The following PHC1 variants were observed in gnomAD, a reference collection of about 807,000 sequenced individuals.
PHC1 encodes polyhomeotic homolog 1.
In PHC1, 12 loss-of-function variants were observed where a neutral mutation model predicts 104.3. That is an observed-to-expected ratio of 0.12 (90% CI 0.07 to 0.19). The LOEUF (loss-of-function observed/expected upper bound fraction) is 0.19. Ranked by LOEUF, PHC1 falls within the 10% of genes least tolerant of loss-of-function variation. PHC1 has a pLI of 1.00. For synonymous variants in PHC1, 302 were observed against 455.8 expected, an observed-to-expected ratio of 0.66 and a Z score of 4.30; for missense variants, 671 against 1,200.0, an observed-to-expected ratio of 0.56 and a Z score of 6.51.
chr12:8,937,042 C>G, intron 12 of PHC1, 78 bp downstream of exon 12: 1 of 1,388,260 alleles, frequency 7.2e-7, no homozygotes, highest in Non-Finnish European at 1.0e-6. Flanking sequence ...AGGATCGTCT[C>G]ATAGCTGATA....
rs1945952666 is a variant in PHC1 at position 8,939,712 on chromosome 12, T to A, written c.*253T>A. The A allele has an allele frequency of 6.7e-6, 3 of 445,204 alleles. No homozygotes were observed. Among genetic ancestry groups the A allele is most frequent in the Non-Finnish European group, 1.3e-5 (3 of 235,644 alleles). 27.6% of individuals were successfully genotyped at this position (445,204 alleles called of 1,614,324 possible). A position where few individuals can be genotyped will look rare whatever the true frequency, so the allele number is the denominator to read the frequency against. The stretch of plus-strand genomic sequence containing the variant: ...GTTCTCACCATTTCACGTACCTTAA[T>A]CCAATCTTTATAAAAGAGGCAGTCT... On this transcript the variant is annotated 3_prime_UTR_variant, in exon 15 of 15. Coordinates refer to ENST00000544916, the MANE Select transcript of PHC1 (RefSeq NM_004426.3).
intron 7 of PHC1, among the ~76,000 whole-genome samples, chr12:8,932,313 G>T (rs146054705): frequency 1.3e-5 from 2 of 152,224 alleles, no homozygotes; most frequent in East Asian, 3.9e-4. Context: ...AATTACTCAG[G>T]ATCTGAAATG....
At chr12:8,916,177 G>A (rs1945194790) in intron 1 of PHC1, 1 of 154,252 alleles carries the variant, frequency 6.5e-6, no homozygotes, top group African/African-American at 2.4e-5. Context: ...TAATATACAT[G>A]TTTGCAGTGA....
intron 8 of PHC1, 115 bp downstream of exon 8, chr12:8,933,465 G>A: frequency 8.2e-7 from 1 of 1,220,068 alleles, no homozygotes; most frequent in Middle Eastern, 2.0e-4. Context: ...GTTAATATTG[G>A]TATTTATCTG....
chr12:8,914,446 C>T (rs1387242781), upstream of PHC1: 5 of 17,296 alleles, frequency 2.9e-4, no homozygotes, highest in East Asian at 3.3e-3. Flanking sequence ...CGAGGGGAGG[C>T]GGAGGGACGG....
chr12:8,922,059 C>T (rs1390298192), intron 5 of PHC1, among the ~76,000 whole-genome samples: 2 of 152,180 alleles, frequency 1.3e-5, no homozygotes, highest in African/African-American at 4.8e-5. Context: ...GGTGATCCAC[C>T]CGCCTCGGCC....
rs187245976 is a variant in PHC1, at chr12:8,919,715, G to A, written c.115-41G>A. On this transcript the variant is annotated intron_variant, in intron 2 of 14. Transcript: ENST00000544916. The surrounding 1 kb of genome is among the most constrained non-coding windows in gnomAD (Gnocchi z 4.9). ...AGTGATTTACATAGAATAGGAGCTA[G>A]GAGTGGTCCATTCTAAATGTTTTAT... is the stretch of plus-strand genomic sequence containing the variant. The A allele has an allele frequency of 9.5e-5, 148 of 1,564,934 alleles. No homozygotes were observed. Among genetic ancestry groups the A allele is most frequent in the Middle Eastern group, 2.2e-4 (1 of 4,554 alleles).
At chr12:8,926,819 G>A (rs1945524782) in intron 6 of PHC1, among the ~76,000 whole-genome samples, 2 of 152,142 alleles carry the variant, frequency 1.3e-5, no homozygotes, top group Admixed American at 6.5e-5. Flanking sequence ...GGAGGCTGAG[G>A]CAGGAGAATC....
rs1306095003 is a variant in PHC1 at position 8,914,623 on chromosome 12, A to G, written c.-253A>G. ...GAGCCGCGGCCGGGCCCGCACCCGG[A>G]GCGGCGGGAGGGGCGGGGAGCCGCG... On this transcript the variant is annotated 5_prime_UTR_variant, in exon 1 of 15. Transcript: ENST00000544916. 6.7e-6 allele frequency: 1 copy of G among 149,936 alleles called. No homozygotes were observed. Among genetic ancestry groups the G allele is most frequent in the Non-Finnish European group, 1.5e-5 (1 of 67,262 alleles). The allele number at this position is 149,936 out of a possible 1,614,324, so 9.3% of individuals were successfully genotyped here.
chr12:8,913,857 G>A (rs975764824), upstream of PHC1: 2 of 152,110 alleles, frequency 1.3e-5, no homozygotes, highest in Non-Finnish European at 2.9e-5. Context: ...GCTATCCAAA[G>A]GAAGTTACAT....
intron 3 of PHC1, 193 bp downstream of exon 3, chr12:8,920,059 T>C: frequency 1.2e-6 from 1 of 833,402 alleles, no homozygotes; most frequent in East Asian, 2.7e-5. Context: ...AAATCACTTT[T>C]TAGGTATAGA....
Position 8,941,428 on chromosome 12 carries a change from G to C in PHC1, c.*1969G>C, listed in dbSNP as rs1469787912. On this transcript the variant is annotated 3_prime_UTR_variant, in exon 15 of 15. Transcript: ENST00000544916. ...AACCCTGTATAAATAATGTTTCTTGGCATTTTTTTTTTAATTAAAGAAATC... is the reference window on the plus strand; with the variant it reads ...AACCCTGTATAAATAATGTTTCTTGCCATTTTTTTTTTAATTAAAGAAATC... 3 of 186,112 alleles carry C rather than the reference G, an allele frequency of 1.6e-5. No individual in the cohort carries two copies. The highest frequency in any genetic ancestry group is 7.1e-5 in the African/African-American group (3 of 42,044). The allele number at this position is 186,112 out of a possible 1,614,324, so 11.5% of individuals were successfully genotyped here. A position where few individuals can be genotyped will look rare whatever the true frequency, so the allele number is the denominator to read the frequency against.
rs148564340 is a variant in PHC1, at chr12:8,936,714, G to A, written c.2369-142G>A. On this transcript the variant is annotated intron_variant, in intron 11 of 14. Coordinates refer to ENST00000544916, the MANE Select transcript of PHC1 (RefSeq NM_004426.3). ...CGTGATTTTAGGTTTTGAACTTTGCGTTTTAGGGATTCTCAACTAGGTTGT... is the reference window on the plus strand; with the variant it reads ...CGTGATTTTAGGTTTTGAACTTTGCATTTTAGGGATTCTCAACTAGGTTGT... The A allele has an allele frequency of 3.6e-4, 230 of 630,970 alleles. 2 individuals are homozygous for A. In the East Asian group the frequency reaches 5.5e-3, roughly 15 times the overall value. 39.1% of individuals were successfully genotyped at this position (630,970 alleles called of 1,614,324 possible).
intron 3 of PHC1, among the ~76,000 whole-genome samples, chr12:8,920,387 A>G (rs1360363084): frequency 6.6e-6 from 1 of 152,204 alleles, no homozygotes; most frequent in African/African-American, 2.4e-5. Flanking sequence ...CTAGACTTTT[A>G]CTGACTCATG....
At chr12:8,935,307 A>G (rs1239348698) in intron 11 of PHC1, 69 bp downstream of exon 11, 3 of 774,628 alleles carry the variant, frequency 3.9e-6, no homozygotes, top group African/African-American at 1.8e-5. Context: ...GACTCGGTGT[A>G]AAATAGTAGT....
At chr12:8,929,516 A>T (rs11048079) in intron 6 of PHC1, among the ~76,000 whole-genome samples, 5,167 of 151,522 alleles carry the variant, frequency 0.034, 298 homozygotes, top group African/African-American at 0.12. Context: ...TTTTAATAAT[A>T]TTTTAAAATA....
intron 14 of PHC1, among the ~76,000 whole-genome samples, chr12:8,938,662 C>T (rs888220210): frequency 2.0e-5 from 3 of 152,166 alleles, no homozygotes; most frequent in Non-Finnish European, 4.4e-5. Context: ...ATTCTGGGCC[C>T]TTAAACAAAA....
At chr12:8,930,183 G>T (rs1348038743) in intron 6 of PHC1, among the ~76,000 whole-genome samples, 3 of 152,222 alleles carry the variant, frequency 2.0e-5, no homozygotes, top group Admixed American at 6.5e-5. Context: ...TAATTGAAGA[G>T]ATATTTTGAA....
In PHC1 at chr12:8,921,085, C is replaced by T; in HGVS notation, c.306+20C>T. The T allele has an allele frequency of 6.4e-7, 1 of 1,558,222 alleles. No individual in the cohort carries two copies. Among genetic ancestry groups the T allele is most frequent in the Non-Finnish European group, 8.8e-7 (1 of 1,139,468 alleles). On this transcript the variant is annotated intron_variant, in intron 4 of 14. Transcript: ENST00000544916. ...GCCTCGGTGAGTACGCCCTCTCCCA[C>T]TGAGAGGCTTCTCTACCTGGGTCTT...
Sources: gnomAD v4.1 joint callset for allele counts (sites outside exome capture counted in the v4.1 genomes callset) on GRCh38, gnomAD v4.1.1 for gene constraint, Gnocchi (gnomAD v3.1) non-coding constraint, MANE v1.5 for transcripts, NCBI Gene and HGNC (gene_info 2026-07-23, HGNC 2026-07-21) for gene names.